The following MACROD2 variants were observed in gnomAD, a reference collection of about 807,000 sequenced individuals.
MACROD2 encodes ADP-ribose glycohydrolase MACROD2.
Under a neutral mutation model 70.4 loss-of-function variants are expected in MACROD2, and 36 were observed. That is an observed-to-expected ratio of 0.51 (90% CI 0.39 to 0.68). The LOEUF (loss-of-function observed/expected upper bound fraction) is 0.68. Ranked by LOEUF, MACROD2 falls within the 30% of genes least tolerant of loss-of-function variation. MACROD2 has a pLI of 0.00. For missense variants in MACROD2, 496 were observed against 538.4 expected (o/e 0.92, Z 0.78); for synonymous variants, 172 against 178.8 (o/e 0.96, Z 0.30).
At chr20:15,201,598 G>A (rs1008014354) in intron 5 of MACROD2, among the ~76,000 whole-genome samples, 3 of 152,192 alleles carry the variant, frequency 2.0e-5, no homozygotes, top group African/African-American at 7.2e-5. Context: ...GAGATGGATA[G>A]TTGTTTCTCC....
At chr20:14,507,518 G>A (rs749404090) in intron 4 of MACROD2, among the ~76,000 whole-genome samples, 8 of 151,984 alleles carry the variant, frequency 5.3e-5, no homozygotes, top group Non-Finnish European at 8.8e-5. Flanking sequence ...GGCCCAAATG[G>A]CCAAGTTAAT....
chr20:15,949,862 G>T (rs1203185189), intron 12 of MACROD2, among the ~76,000 whole-genome samples: 3 of 152,042 alleles, frequency 2.0e-5, no homozygotes, highest in Non-Finnish European at 4.4e-5. Context: ...GATTCACTAG[G>T]ACTAGAGAAA....
Position 14,745,095 on chromosome 20 carries a change from CTTTGGTT to C in MACROD2, c.418+60140_418+60146del, listed in dbSNP as rs1041589174. Among the ~76,000 whole-genome samples the C allele has an allele frequency of 3.3e-5, 5 of 152,094 alleles. 1 individual carries two copies. The highest frequency in any genetic ancestry group is 7.4e-5 in the Non-Finnish European group (5 of 68,000). On this transcript the variant is annotated intron_variant, in intron 5 of 17. Transcript: ENST00000684519. ...AGATTTCTTCTGAATCATTTGTTGC[CTTTGGTT>C]TTTCAGGGAGGTGGGCTAGAAATTG...
In MACROD2 at chr20:14,380,261, G is replaced by C. The variant is rs150589587; in HGVS notation, c.272-113218G>C. ...ATTTGTATGTCTTCTTTGGAGAAAAGTGTGTTCAAGCCCTTTGCCCATTTT... is the reference window on the plus strand; with the variant it reads ...ATTTGTATGTCTTCTTTGGAGAAAACTGTGTTCAAGCCCTTTGCCCATTTT... On this transcript the variant is annotated intron_variant, in intron 3 of 17. Transcript: ENST00000684519. Among the ~76,000 whole-genome samples the C allele has an allele frequency of 8.9e-3, 1,357 of 152,198 alleles. 18 individuals carry two copies. Among genetic ancestry groups the C allele is most frequent in the African/African-American group, 0.021 (890 of 41,562 alleles).
intron 6 of MACROD2, among the ~76,000 whole-genome samples, chr20:15,422,542 GT>G (rs1457426225): frequency 6.6e-6 from 1 of 152,240 alleles, no homozygotes; most frequent in East Asian, 1.9e-4. Flanking sequence ...TGGGCAATCT[GT>G]TTTTGATCAC....
intron 5 of MACROD2, among the ~76,000 whole-genome samples, chr20:14,685,650 T>A (rs770919129): frequency 1.3e-5 from 2 of 152,242 alleles, no homozygotes; most frequent in Non-Finnish European, 2.9e-5. Flanking sequence ...CATAGCTTTT[T>A]TATCCTGTAA....
At chr20:15,393,672 C>T (rs2045823099) in intron 6 of MACROD2, among the ~76,000 whole-genome samples, 1 of 152,204 alleles carries the variant, frequency 6.6e-6, no homozygotes, top group South Asian at 2.1e-4. Context: ...TAAGCTTTCA[C>T]TCCAAATCCT....
intron 6 of MACROD2, among the ~76,000 whole-genome samples, chr20:15,252,970 A>G (rs1384369571): frequency 5.3e-5 from 8 of 152,202 alleles, no homozygotes; most frequent in African/African-American, 1.9e-4. Flanking sequence ...CTGTTAATGT[A>G]TGCTGTATCA....
intron 5 of MACROD2, among the ~76,000 whole-genome samples, chr20:14,831,973 C>T: frequency 7.1e-6 from 1 of 140,288 alleles, no homozygotes; most frequent in African/African-American, 2.7e-5. Flanking sequence ...GTGTTGCAAC[C>T]AAAAGAAGCA....
intron 3 of MACROD2, among the ~76,000 whole-genome samples, chr20:14,486,813 C>G (rs1184298249): frequency 3.9e-5 from 6 of 152,002 alleles, no homozygotes; most frequent in African/African-American, 9.7e-5. Flanking sequence ...GACACCATGC[C>G]CAGCCCCAAT....
At position 15,819,901 on chromosome 20, in the gene MACROD2, AGTAGATT is replaced by A. The variant is rs760717031; in HGVS notation, c.646-42843_646-42837del. On this transcript the variant is annotated intron_variant, in intron 8 of 17. Coordinates refer to ENST00000684519, the MANE Select transcript of MACROD2 (RefSeq NM_001351661.2). Reference sequence around the variant, plus strand: ...TTGAATTTTGGATTTTTGTTAAATAAGTAGATTTTTGTTATTCTCACCCCAATAAAAA... The same window carrying A: ...TTGAATTTTGGATTTTTGTTAAATAATTTGTTATTCTCACCCCAATAAAAA... 1.6e-4 allele frequency among the ~76,000 whole-genome samples: 24 copies of A among 152,168 alleles called. 1 individual carries two copies. Among genetic ancestry groups the A allele is most frequent in the Non-Finnish European group, 2.4e-4 (16 of 68,030 alleles).
intron 8 of MACROD2, among the ~76,000 whole-genome samples, chr20:15,647,784 A>G (rs975544536): frequency 7.3e-5 from 11 of 150,508 alleles, no homozygotes; most frequent in Non-Finnish European, 1.3e-4. Flanking sequence ...CAGTGGTGCA[A>G]TCTTGGCTCA....
chr20:16,036,448 A>G (rs1406763078), intron 15 of MACROD2, among the ~76,000 whole-genome samples: 1 of 152,030 alleles, frequency 6.6e-6, no homozygotes, highest in Non-Finnish European at 1.5e-5. Context: ...TTTGAGCAGT[A>G]CAGTTGCAGT....
At chr20:15,579,990 A>G (rs1337646505) in intron 8 of MACROD2, among the ~76,000 whole-genome samples, 1 of 152,158 alleles carries the variant, frequency 6.6e-6, no homozygotes, top group Non-Finnish European at 1.5e-5. Context: ...CAAGAGTCCT[A>G]TATCTTTAGT....
At chr20:14,684,320 T>C (rs2070972332) in intron 4 of MACROD2, among the ~76,000 whole-genome samples, 1 of 152,206 alleles carries the variant, frequency 6.6e-6, no homozygotes, top group South Asian at 2.1e-4. Context: ...TTTTGGTAGC[T>C]TTAATTCTAC....
intron 2 of MACROD2, among the ~76,000 whole-genome samples, chr20:14,024,534 G>A (rs2053131674): frequency 6.6e-6 from 1 of 152,116 alleles, no homozygotes; most frequent in Non-Finnish European, 1.5e-5. Context: ...GTCATAAATA[G>A]CTCTTACTAT....
At chr20:14,348,915 A>G (rs1442327069) in intron 3 of MACROD2, among the ~76,000 whole-genome samples, 2 of 152,054 alleles carry the variant, frequency 1.3e-5, no homozygotes, top group Non-Finnish European at 2.9e-5. Flanking sequence ...AAAAAATACA[A>G]GAATTAGCTG....
chr20:15,054,777 C>T (rs942047654), intron 5 of MACROD2, among the ~76,000 whole-genome samples: 6 of 151,892 alleles, frequency 4.0e-5, no homozygotes, highest in African/African-American at 1.5e-4. Flanking sequence ...TTACCTATAC[C>T]CACAACTTTT....
chr20:15,341,444 G>A (rs747981296), intron 6 of MACROD2, among the ~76,000 whole-genome samples: 73 of 152,042 alleles, frequency 4.8e-4, no homozygotes, highest in Admixed American at 9.8e-4. Context: ...ATGTATTTAG[G>A]AGCAACCAAG....
Sources: allele counts gnomAD v4.1 joint callset (sites outside exome capture counted in the v4.1 genomes callset), GRCh38; gene constraint gnomAD v4.1.1; transcripts MANE v1.5; gene names NCBI Gene and HGNC (gene_info 2026-07-23, HGNC 2026-07-21).